The following SHLD2 variants were observed in gnomAD, a reference collection of about 807,000 sequenced individuals.
SHLD2 encodes shieldin complex subunit 2, also known as RINN1-REV7-interacting novel NHEJ regulator 2.
Under a neutral mutation model 73.2 loss-of-function variants are expected in SHLD2, and 30 were observed. The observed-to-expected ratio is 0.41, with a 90% confidence interval of 0.31 to 0.56. The LOEUF is 0.56. Among genes scored for constraint, SHLD2 ranks in the 20% least tolerant of loss-of-function variants. The pLI, the probability that SHLD2 is intolerant of heterozygous loss-of-function variation, is 0.28. For synonymous variants in SHLD2, 285 were observed against 370.1 expected (o/e 0.77, Z 2.64); for missense variants, 745 against 1,055.9 (o/e 0.71, Z 4.08).
At chr10:87,110,450 AC>A (rs1162320554) in intron 2 of SHLD2, among the ~76,000 whole-genome samples, 9 of 152,042 alleles carry the variant, frequency 5.9e-5, no homozygotes, top group Admixed American at 2.0e-4. Flanking sequence ...TACTCAAAAT[AC>A]AAAAAATTAG....
chr10:87,136,126 A>T (rs1238050300), intron 2 of SHLD2, among the ~76,000 whole-genome samples: 1 of 151,858 alleles, frequency 6.6e-6, no homozygotes, highest in Non-Finnish European at 1.5e-5. Context: ...GTATGGACTT[A>T]TGGATATTTT....
At chr10:87,154,243 A>G (rs964807390) in intron 3 of SHLD2, 6 of 151,894 alleles carry the variant, frequency 4.0e-5, no homozygotes, top group Admixed American at 1.3e-4. Context: ...GGAGGTCACT[A>G]TATTGATGGC....
chr10:87,190,897 C>A lies in SHLD2; in HGVS notation c.*214C>A. 1 of 561,662 alleles carries A rather than the reference C, an allele frequency of 1.8e-6. No individual in the cohort carries two copies. Among genetic ancestry groups the A allele is most frequent in the Non-Finnish European group, 3.1e-6 (1 of 317,808 alleles). 34.8% of individuals were successfully genotyped at this position (561,662 alleles called of 1,614,324 possible). ...TTGTCTTTTGGTTTCTTACTTTCTC[C>A]TGGAGAAATGATCTACCAGTCAAGG... On this transcript the variant is annotated 3_prime_UTR_variant, in exon 10 of 10. Coordinates refer to ENST00000298786, the MANE Select transcript of SHLD2 (RefSeq NM_001330112.2).
chr10:87,134,740 A>G (rs571228070), intron 2 of SHLD2, among the ~76,000 whole-genome samples: 17 of 152,334 alleles, frequency 1.1e-4, no homozygotes, highest in African/African-American at 3.6e-4. Context: ...GAAGAGCTAG[A>G]GATAACTCTC....
chr10:87,145,611 C>T (rs540571620), intron 2 of SHLD2, among the ~76,000 whole-genome samples: 5 of 151,570 alleles, frequency 3.3e-5, no homozygotes, highest in Non-Finnish European at 7.4e-5. Context: ...AGGGGAAAAG[C>T]ACTCTCTTTT....
At chr10:87,104,746 C>T (rs1276020039) in intron 2 of SHLD2, among the ~76,000 whole-genome samples, 1 of 151,712 alleles carries the variant, frequency 6.6e-6, no homozygotes, top group Non-Finnish European at 1.5e-5. Flanking sequence ...CTGCAACCTC[C>T]ACTTCCCGGG....
At chr10:87,144,907 G>A (rs898537322) in intron 2 of SHLD2, among the ~76,000 whole-genome samples, 2 of 145,588 alleles carry the variant, frequency 1.4e-5, no homozygotes, top group Non-Finnish European at 3.0e-5. Flanking sequence ...ATTGATTACA[G>A]GCGTGAGCCA....
intron 2 of SHLD2, among the ~76,000 whole-genome samples, chr10:87,108,095 C>T (rs1169229939): frequency 2.0e-5 from 3 of 151,920 alleles, no homozygotes; most frequent in African/African-American, 7.3e-5. Flanking sequence ...CTCTTGTTAT[C>T]CAGGAGTGCA....
chr10:87,140,811 A>C (rs1173892059), intron 2 of SHLD2, among the ~76,000 whole-genome samples: 2 of 152,092 alleles, frequency 1.3e-5, no homozygotes, highest in African/African-American at 4.8e-5. Context: ...AGATTAAAAA[A>C]TAGAAATATA....
intron 2 of SHLD2, among the ~76,000 whole-genome samples, chr10:87,131,436 G>A (rs1007007000): frequency 1.7e-4 from 26 of 152,008 alleles, no homozygotes; most frequent in African/African-American, 6.3e-4. Flanking sequence ...TGCCTTTTGT[G>A]GATATTTCAT....
intron 7 of SHLD2, among the ~76,000 whole-genome samples, chr10:87,177,454 C>T (rs973218164): frequency 6.6e-6 from 1 of 152,038 alleles, no homozygotes; most frequent in Non-Finnish European, 1.5e-5. Context: ...TCCTCATTAG[C>T]AAGCCATGCC....
chr10:87,117,848 A>G (rs765090289), intron 2 of SHLD2, among the ~76,000 whole-genome samples: 3 of 152,190 alleles, frequency 2.0e-5, no homozygotes, highest in Admixed American at 6.5e-5. Context: ...GGAATTCTCT[A>G]TTGTTTCGAA....
intron 6 of SHLD2, among the ~76,000 whole-genome samples, chr10:87,175,011 G>A (rs1048609376): frequency 1.3e-5 from 2 of 152,050 alleles, no homozygotes; most frequent in African/African-American, 2.4e-5. Context: ...CAGCTACTCC[G>A]GAGGCTGAGG....
At chr10:87,164,968 C>T (rs1847097345) in intron 4 of SHLD2, among the ~76,000 whole-genome samples, 1 of 152,000 alleles carries the variant, frequency 6.6e-6, no homozygotes, top group South Asian at 2.1e-4. Context: ...AGGTGGATGG[C>T]TTGAGCCCAG....
intron 2 of SHLD2, among the ~76,000 whole-genome samples, chr10:87,110,159 C>T (rs538034534): frequency 6.6e-6 from 1 of 152,124 alleles, no homozygotes; most frequent in South Asian, 2.1e-4. Context: ...CATGTTGGCA[C>T]ACACCTGTAG....
At chr10:87,131,516 A>G (rs1454934018) in intron 2 of SHLD2, among the ~76,000 whole-genome samples, 1 of 152,160 alleles carries the variant, frequency 6.6e-6, no homozygotes, top group Non-Finnish European at 1.5e-5. Context: ...TTTGTGGTTC[A>G]TCTATGGTAT....
At chr10:87,187,627 T>C (rs71475322) in intron 9 of SHLD2, among the ~76,000 whole-genome samples, 24,361 of 152,144 alleles carry the variant, frequency 0.16, 2,049 homozygotes, top group African/African-American at 0.19. Context: ...TCAAACTCCA[T>C]TCCTGTTCTC....
At chr10:87,177,459 C>G (rs1848016496) in intron 7 of SHLD2, among the ~76,000 whole-genome samples, 1 of 152,032 alleles carries the variant, frequency 6.6e-6, no homozygotes, top group Admixed American at 6.5e-5. Context: ...ATTAGCAAGC[C>G]ATGCCAAAAC....
At chr10:87,187,398 C>T (rs1848686858) in intron 9 of SHLD2, among the ~76,000 whole-genome samples, 198 bp downstream of exon 9, 2 of 152,140 alleles carry the variant, frequency 1.3e-5, no homozygotes, top group Non-Finnish European at 2.9e-5. Context: ...ACATGAACAG[C>T]GGGAGGCACC....
Sources: gnomAD v4.1 joint callset for allele counts (sites outside exome capture counted in the v4.1 genomes callset) on GRCh38, gnomAD v4.1.1 for gene constraint, MANE v1.5 for transcripts, NCBI Gene and HGNC (gene_info 2026-07-23, HGNC 2026-07-21) for gene names.